EYA2: variants seen among roughly 807,000 people sequenced by gnomAD.
The protein encoded by EYA2 is protein phosphatase EYA2.
Under a neutral mutation model 69.2 loss-of-function variants are expected in EYA2, and 31 were observed. The ratio of observed to expected loss-of-function variants is 0.45; its 90% CI spans 0.34 to 0.60. EYA2 has a LOEUF of 0.60. EYA2 is among the 20% of genes least tolerant of loss of function. The pLI, the probability that EYA2 is intolerant of heterozygous loss-of-function variation, is 0.02. For synonymous variants in EYA2, 257 were observed against 279.4 expected (o/e 0.92, Z 0.80); for missense variants, 622 against 701.2 (o/e 0.89, Z 1.28).
chr20:47,137,039 A>C, intron 9 of EYA2, among the ~76,000 whole-genome samples: 2 of 146,270 alleles, frequency 1.4e-5, no homozygotes, highest in Admixed American at 7.0e-5. Context: ...ATCCACCCCC[A>C]CCCCTTAGCC....
At chr20:47,110,701 A>G (rs1048975322) in intron 9 of EYA2, among the ~76,000 whole-genome samples, 1 of 152,236 alleles carries the variant, frequency 6.6e-6, no homozygotes, top group African/African-American at 2.4e-5. Context: ...TGGCACCTCC[A>G]CTGGACAAAT....
At chr20:46,914,451 G>A (rs1011303279) in intron 1 of EYA2, among the ~76,000 whole-genome samples, 19 of 152,152 alleles carry the variant, frequency 1.2e-4, no homozygotes, top group Admixed American at 1.2e-3. Context: ...AAAGGAAAGA[G>A]GTTTCATTGG....
intron 1 of EYA2, among the ~76,000 whole-genome samples, chr20:46,925,670 C>T (rs893669266): frequency 2.0e-5 from 3 of 152,230 alleles, no homozygotes; most frequent in African/African-American, 7.2e-5. Context: ...TGAACATACT[C>T]TGCTGGTGAG....
chr20:46,916,011 A>G (rs1984887703), intron 1 of EYA2, among the ~76,000 whole-genome samples: 1 of 152,238 alleles, frequency 6.6e-6, no homozygotes, highest in South Asian at 2.1e-4. Flanking sequence ...CACTTGTTTA[A>G]ACATTAATAG....
chr20:47,094,850 G>A (rs2903941), intron 8 of EYA2, among the ~76,000 whole-genome samples: 2,064 of 152,184 alleles, frequency 0.014, 23 homozygotes, highest in Admixed American at 0.033. Flanking sequence ...GCAACATAGC[G>A]AGACCCTGTC....
chr20:47,147,752 G>A (rs6018302), intron 10 of EYA2, among the ~76,000 whole-genome samples: 2,297 of 152,226 alleles, frequency 0.015, 62 homozygotes, highest in African/African-American at 0.051. Context: ...AAGAATCTGT[G>A]GGGTTTAAAG....
chr20:47,124,834 G>A (rs571655347), intron 9 of EYA2, among the ~76,000 whole-genome samples: 13 of 151,386 alleles, frequency 8.6e-5, no homozygotes, highest in African/African-American at 2.7e-4. Context: ...TACTTTAAAA[G>A]CTGCTAGACA....
Position 47,184,390 on chromosome 20 carries a change from A to G in EYA2, c.1536+999A>G, listed in dbSNP as rs118002138. 5.4e-3 allele frequency among the ~76,000 whole-genome samples: 800 copies of G among 148,446 alleles called. 28 individuals carry two copies. The East Asian group carries it at 0.08, about 15-fold the overall frequency. On this transcript the variant is annotated intron_variant, in intron 15 of 15. Coordinates refer to ENST00000327619, the MANE Select transcript of EYA2 (RefSeq NM_005244.5). ...TGTACTCAATCCTCCAAAAACTCCT[A>G]CAAAGTGGGTATCATTGCATCCCTT...
chr20:47,161,529 A>T, intron 10 of EYA2: 1 of 418,390 alleles, frequency 2.4e-6, no homozygotes, highest in Non-Finnish European at 4.7e-6. Flanking sequence ...CAGGTGGCCC[A>T]GCTTGGGGAT....
chr20:47,120,035 C>T (rs1048239081), intron 9 of EYA2, among the ~76,000 whole-genome samples: 5 of 152,092 alleles, frequency 3.3e-5, no homozygotes, highest in Admixed American at 2.0e-4. Context: ...GGTGAAACCC[C>T]GTCTATACTA....
chr20:47,081,791 AAAG>A (rs1406308950), intron 7 of EYA2, among the ~76,000 whole-genome samples: 2 of 151,282 alleles, frequency 1.3e-5, no homozygotes, highest in Non-Finnish European at 2.9e-5. Context: ...AAAAAAAAAA[AAAG>A]AAGAAAGAAA....
intron 9 of EYA2, among the ~76,000 whole-genome samples, chr20:47,119,022 C>T (rs1462909445): frequency 3.9e-5 from 6 of 152,192 alleles, no homozygotes; most frequent in African/African-American, 9.7e-5. Flanking sequence ...GAGCTTGCTG[C>T]TCACGATGAT....
At chr20:47,012,791 G>A (rs183849814) in intron 4 of EYA2, among the ~76,000 whole-genome samples, 3 of 152,270 alleles carry the variant, frequency 2.0e-5, no homozygotes, top group Admixed American at 6.5e-5. Flanking sequence ...ACCGTACTGG[G>A]CCAAATTAAA....
intron 4 of EYA2, among the ~76,000 whole-genome samples, chr20:47,010,472 A>T (rs1361071716): frequency 6.6e-6 from 1 of 152,058 alleles, no homozygotes. Flanking sequence ...CCGGGTGCTG[A>T]GTCTCAAGAA....
At position 47,029,369 on chromosome 20, in the gene EYA2, G is replaced by A. The variant is rs533945570; in HGVS notation, c.415+13072G>A. ...ACTTTGCCTGGCCACCCTGTAGCTC[G>A]CCAGTTACTTTGATGGGCAGCCATG... is the stretch of plus-strand genomic sequence containing the variant. On this transcript the variant is annotated intron_variant, in intron 5 of 15. Transcript: ENST00000327619. 1.6e-3 allele frequency among the ~76,000 whole-genome samples: 241 copies of A among 152,346 alleles called. 1 individual carries two copies. Among genetic ancestry groups the A allele is most frequent in the Non-Finnish European group, 2.9e-3 (194 of 68,026 alleles).
intron 10 of EYA2, among the ~76,000 whole-genome samples, chr20:47,167,868 G>C (rs993607337): frequency 6.6e-6 from 1 of 152,136 alleles, no homozygotes; most frequent in African/African-American, 2.4e-5. Flanking sequence ...ATCTTTGGGG[G>C]TTCGTTATTC....
intron 5 of EYA2, among the ~76,000 whole-genome samples, chr20:47,029,662 T>A (rs956106068): frequency 4.6e-5 from 7 of 152,218 alleles, no homozygotes; most frequent in African/African-American, 1.7e-4. Flanking sequence ...ACTTAACACA[T>A]CTTTACATTT....
At position 47,090,380 on chromosome 20, in the gene EYA2, C is replaced by G. The variant is rs191451653; in HGVS notation, c.804+999C>G. Among the ~76,000 whole-genome samples, 325 of 152,182 alleles carry G rather than the reference C, an allele frequency of 2.1e-3. 2 individuals carry two copies. The highest frequency in any genetic ancestry group is 7.6e-3 in the African/African-American group (315 of 41,528). On this transcript the variant is annotated intron_variant, in intron 8 of 15. Coordinates refer to ENST00000327619, the MANE Select transcript of EYA2 (RefSeq NM_005244.5). Reference sequence around the variant, plus strand: ...TCGGCCTCCTGAATAGCTGAGATTACAGGTGCACGCCACCATGCTCAGCTA... The same window carrying G: ...TCGGCCTCCTGAATAGCTGAGATTAGAGGTGCACGCCACCATGCTCAGCTA...
intron 9 of EYA2, among the ~76,000 whole-genome samples, chr20:47,136,624 T>C (rs2033481607): frequency 6.6e-6 from 1 of 151,862 alleles, no homozygotes; most frequent in African/African-American, 2.4e-5. Flanking sequence ...ACGTCTCTAG[T>C]CCTAGCTACT....
Sources: allele counts gnomAD v4.1 joint callset (sites outside exome capture counted in the v4.1 genomes callset), GRCh38; gene constraint gnomAD v4.1.1; transcripts MANE v1.5; gene names NCBI Gene and HGNC (gene_info 2026-07-23, HGNC 2026-07-21).